The following SPMIP8 variants were observed in gnomAD, a reference collection of about 807,000 sequenced individuals.
SPMIP8 encodes testicular tissue protein Li 196.
chr16:57,987,733 C>T, the SPMIP8 span: 18 of 342,150 alleles, frequency 5.3e-5, no homozygotes, highest in South Asian at 2.0e-4. Context: ...GGGTGTAAGC[C>T]GCAAGGTCCA....
At chr16:57,987,083 G>T in the SPMIP8 span, 1 of 324,816 alleles carries the variant, frequency 3.1e-6, no homozygotes, top group Non-Finnish European at 5.6e-6. Context: ...TCTCCCACAC[G>T]GGGAAACGTT....
the SPMIP8 span, chr16:57,985,566 CG>C: frequency 1.3e-6 from 2 of 1,580,386 alleles, no homozygotes; most frequent in Non-Finnish European, 8.6e-7. Flanking sequence ...GCCACGCGCC[CG>C]GGGACCCCAT....
At chr16:57,978,472 G>A in the SPMIP8 span, among the ~76,000 whole-genome samples, 211 of 151,814 alleles carry the variant, frequency 1.4e-3, 1 homozygote, top group African/African-American at 4.9e-3. Context: ...CCTGGGAGGC[G>A]GAGGTTGCAG....
the SPMIP8 span, among the ~76,000 whole-genome samples, chr16:57,981,392 A>AATTATT: frequency 2.4e-5 from 2 of 83,586 alleles, no homozygotes; most frequent in Non-Finnish European, 6.1e-5. Flanking sequence ...TAATAATAAT[A>AATTATT]ATTATTATTA....
chr16:57,986,330 C>G, the SPMIP8 span: 2 of 202,242 alleles, frequency 9.9e-6, no homozygotes, highest in East Asian at 2.2e-4. Context: ...CCGGCAGGGT[C>G]GCCCCACAAG....
At chr16:57,984,761 C>T in the SPMIP8 span, 8 of 1,608,272 alleles carry the variant, frequency 5.0e-6, no homozygotes, top group South Asian at 2.2e-5. Flanking sequence ...ACTGGTCCCA[C>T]TTCGTGTCCT....
At chr16:57,987,743 A>G in the SPMIP8 span, 1 of 321,170 alleles carries the variant, frequency 3.1e-6, no homozygotes, top group Non-Finnish European at 5.7e-6. Context: ...CGCAAGGTCC[A>G]GCCAGAATTG....
the SPMIP8 span, among the ~76,000 whole-genome samples, chr16:57,978,543 A>C: frequency 6.6e-6 from 1 of 152,042 alleles, no homozygotes; most frequent in Admixed American, 6.6e-5. Context: ...TCCGTCTCAA[A>C]AAAAAAAGCA....
chr16:57,984,605 C>T, the SPMIP8 span: 5 of 1,521,434 alleles, frequency 3.3e-6, no homozygotes, highest in East Asian at 2.4e-5. Flanking sequence ...CGGCTACGGC[C>T]GCGCGGGCCT....
At chr16:57,984,282 C>G in the SPMIP8 span, 1 of 1,613,730 alleles carries the variant, frequency 6.2e-7, no homozygotes, top group Non-Finnish European at 8.5e-7. Flanking sequence ...CACCTCTTCT[C>G]CCTTTCTCTT....
At chr16:57,983,099 A>G in the SPMIP8 span, among the ~76,000 whole-genome samples, 1 of 152,186 alleles carries the variant, frequency 6.6e-6, no homozygotes, top group Admixed American at 6.5e-5. Context: ...GAGTTCTTGT[A>G]TAGAGAAATT....
chr16:57,985,036 C>G, the SPMIP8 span: 700 of 1,076,146 alleles, frequency 6.5e-4, 7 homozygotes, highest in African/African-American at 0.01. Flanking sequence ...AGCCTTCGGG[C>G]CGGGGGCTTT....
the SPMIP8 span, chr16:57,984,168 T>G: frequency 2.5e-6 from 2 of 792,962 alleles, no homozygotes; most frequent in Non-Finnish European, 4.4e-6. Flanking sequence ...CCTCCTGAAG[T>G]GCTGGGATTA....
At chr16:57,984,292 T>G in the SPMIP8 span, 4 of 1,614,136 alleles carry the variant, frequency 2.5e-6, no homozygotes, top group Non-Finnish European at 3.4e-6. Context: ...CCCTTTCTCT[T>G]GTTTCAACAG....
the SPMIP8 span, among the ~76,000 whole-genome samples, chr16:57,979,645 G>A: frequency 4.0e-5 from 6 of 149,940 alleles, no homozygotes; most frequent in East Asian, 1.9e-4. Context: ...CACTGCCCCC[G>A]CATACAGGTA....
At chr16:57,977,894 C>T in the SPMIP8 span, 3 of 1,614,162 alleles carry the variant, frequency 1.9e-6, no homozygotes, top group South Asian at 3.3e-5. Context: ...TCCTGCTTCC[C>T]ATGGAGCGGC....
the SPMIP8 span, among the ~76,000 whole-genome samples, chr16:57,978,403 G>T: frequency 6.6e-6 from 1 of 151,948 alleles, no homozygotes; most frequent in Non-Finnish European, 1.5e-5. Context: ...AACCAGGCGT[G>T]GTGGCAGGCA....
the SPMIP8 span, chr16:57,984,918 G>A: frequency 8.7e-5 from 122 of 1,396,446 alleles, no homozygotes; most frequent in Non-Finnish European, 1.1e-4. Context: ...GGCAGAAACA[G>A]GGCGGGGCCG....
the SPMIP8 span, among the ~76,000 whole-genome samples, chr16:57,981,374 C>T: frequency 8.6e-5 from 5 of 57,962 alleles, no homozygotes; most frequent in East Asian, 1.5e-3. Flanking sequence ...AGTGACACTC[C>T]GTCTCAATAA....
Sources: allele counts gnomAD v4.1 joint callset (sites outside exome capture counted in the v4.1 genomes callset), GRCh38; gene constraint gnomAD v4.1.1; transcripts MANE v1.5; gene names NCBI Gene and HGNC (gene_info 2026-07-23, HGNC 2026-07-21).